PPP6R3: variants seen among roughly 807,000 people sequenced by gnomAD.
PPP6R3 encodes the protein protein phosphatase 6 regulatory subunit 3, also known as serine/threonine-protein phosphatase 6 regulatory subunit 3.
A neutral mutation model predicts 110.7 loss-of-function variants in PPP6R3; 38 were observed. The ratio of observed to expected loss-of-function variants is 0.34; its 90% CI spans 0.26 to 0.45. The LOEUF (loss-of-function observed/expected upper bound fraction) is 0.45, where lower values mean the gene tolerates loss of function less well. Ranked by LOEUF, PPP6R3 falls within the 20% of genes least tolerant of loss-of-function variation. PPP6R3 has a pLI of 1.00. For missense variants in PPP6R3, 870 were observed against 1,062.4 expected (o/e 0.82, Z 2.52); for synonymous variants, 369 against 373.5 (o/e 0.99, Z 0.14).
In PPP6R3 at chr11:68,614,757, C is replaced by T; in HGVS notation, c.*1640C>T. On this transcript the variant is annotated 3_prime_UTR_variant, in exon 24 of 24. Transcript: ENST00000393800. Reference sequence around the variant, plus strand: ...AACCCCCTTTCCCGGGTGAGCCCCTCTCTGAAGAGACTGTCCTTGGGCCTC... The same window carrying T: ...AACCCCCTTTCCCGGGTGAGCCCCTTTCTGAAGAGACTGTCCTTGGGCCTC... 5 of 1,540,922 alleles carry T rather than the reference C, an allele frequency of 3.2e-6. No homozygotes were observed.
intron 8 of PPP6R3, among the ~76,000 whole-genome samples, chr11:68,560,541 G>C (rs185453292): frequency 3.9e-5 from 6 of 152,310 alleles, no homozygotes; most frequent in Non-Finnish European, 8.8e-5. Context: ...CCCCATATCA[G>C]TTGAAGAAAT....
At chr11:68,577,272 G>A (rs140712509) in intron 14 of PPP6R3, among the ~76,000 whole-genome samples, 115 of 151,744 alleles carry the variant, frequency 7.6e-4, no homozygotes, top group African/African-American at 2.4e-3. Flanking sequence ...TCGGACTATC[G>A]TTTAACTTGA....
chr11:68,610,867 A>G (rs1420297061), intron 23 of PPP6R3, among the ~76,000 whole-genome samples: 1 of 149,402 alleles, frequency 6.7e-6, no homozygotes, highest in Non-Finnish European at 1.5e-5. Context: ...CCTCCCCCAA[A>G]TCTTGCCAGC....
At chr11:68,478,647 G>GTTTTTGTT (rs2098860647) in intron 1 of PPP6R3, among the ~76,000 whole-genome samples, 1 of 50,506 alleles carries the variant, frequency 2.0e-5, no homozygotes, top group African/African-American at 9.7e-5. Flanking sequence ...CACTTGGTAA[G>GTTTTTGTT]TTTTTTTTTT....
chr11:68,491,581 C>T (rs893552465), intron 1 of PPP6R3, among the ~76,000 whole-genome samples: 1 of 152,046 alleles, frequency 6.6e-6, no homozygotes, highest in East Asian at 1.9e-4. Context: ...AACTTCTGGG[C>T]TCAAGCAGTC....
chr11:68,475,141 T>G (rs989977004), intron 1 of PPP6R3, among the ~76,000 whole-genome samples: 1 of 151,868 alleles, frequency 6.6e-6, no homozygotes, highest in Admixed American at 6.6e-5. Flanking sequence ...TGCCTTCAAG[T>G]ATCTGTTTAA....
At chr11:68,460,989 A>T (rs2098700301) in intron 1 of PPP6R3, among the ~76,000 whole-genome samples, 162 bp downstream of exon 1, 1 of 150,946 alleles carries the variant, frequency 6.6e-6, no homozygotes, top group East Asian at 2.0e-4. Flanking sequence ...CGGGCCCGGG[A>T]GGCGCGGCGC....
At chr11:68,496,776 G>A (rs567656777) in intron 1 of PPP6R3, among the ~76,000 whole-genome samples, 5 of 151,416 alleles carry the variant, frequency 3.3e-5, no homozygotes, top group Non-Finnish European at 5.9e-5. Context: ...GCCTGGCCTC[G>A]CTTGCCCATT....
chr11:68,551,257 C>T (rs2099373110), intron 6 of PPP6R3, 71 bp downstream of exon 6: 3 of 1,134,480 alleles, frequency 2.6e-6, no homozygotes, highest in South Asian at 1.3e-5. Context: ...GGGCACAGAG[C>T]ATACTTATAT....
intron 9 of PPP6R3, among the ~76,000 whole-genome samples, chr11:68,565,778 T>C (rs772967721): frequency 3.4e-5 from 5 of 148,206 alleles, no homozygotes; most frequent in Non-Finnish European, 6.0e-5. Context: ...CTGTATGATA[T>C]GTCTGTCTCG....
At chr11:68,472,541 C>G (rs539268419) in intron 1 of PPP6R3, among the ~76,000 whole-genome samples, 7 of 151,546 alleles carry the variant, frequency 4.6e-5, no homozygotes, top group Non-Finnish European at 8.8e-5. Context: ...CAGCACCGTC[C>G]TACATCCTTG....
At position 68,614,975 on chromosome 11, in the gene PPP6R3, T is replaced by C; in HGVS notation, c.*1858T>C. 1 of 578,310 alleles carries C rather than the reference T, an allele frequency of 1.7e-6. No homozygotes were observed. The highest frequency in any genetic ancestry group is 3.3e-6 in the Non-Finnish European group (1 of 305,970). 35.8% of individuals were successfully genotyped at this position (578,310 alleles called of 1,614,324 possible). A position where few individuals can be genotyped will look rare whatever the true frequency, so the allele number is the denominator to read the frequency against. On this transcript the variant is annotated 3_prime_UTR_variant, in exon 24 of 24. Transcript: ENST00000393800. ...CGTGGCCTCCGTGGTATGGACCTGG[T>C]GGCTTCTCCATCCCACTGTGGCCTC... is the stretch of plus-strand genomic sequence containing the variant.
At chr11:68,547,846 A>G (rs75875840) in intron 4 of PPP6R3, among the ~76,000 whole-genome samples, 7,319 of 140,964 alleles carry the variant, frequency 0.052, 638 homozygotes, top group African/African-American at 0.18. Context: ...ATTTGTATTA[A>G]TGGACGTGCT....
intron 10 of PPP6R3, among the ~76,000 whole-genome samples, chr11:68,567,891 G>A (rs1413589871): frequency 2.0e-5 from 3 of 152,144 alleles, no homozygotes; most frequent in Non-Finnish European, 4.4e-5. Context: ...TTCATCTTAT[G>A]TACACTATTC....
At chr11:68,500,680 C>T (rs1203910391) in intron 1 of PPP6R3, among the ~76,000 whole-genome samples, 1 of 152,068 alleles carries the variant, frequency 6.6e-6, no homozygotes, top group African/African-American at 2.4e-5. Context: ...GTTTCACCAT[C>T]TTGGCCAGGC....
intron 1 of PPP6R3, among the ~76,000 whole-genome samples, chr11:68,462,572 G>C (rs370738809): frequency 6.6e-6 from 1 of 152,138 alleles, no homozygotes. Flanking sequence ...AAACTGTAAG[G>C]GTGCCGTGGA....
chr11:68,588,500 C>T (rs1459629602), intron 16 of PPP6R3, among the ~76,000 whole-genome samples: 1 of 151,942 alleles, frequency 6.6e-6, no homozygotes, highest in Non-Finnish European at 1.5e-5. Context: ...TTCTGTTGCC[C>T]CGGCTGGAGT....
Position 68,600,298 on chromosome 11 carries a change from C to T in PPP6R3, c.2039-43C>T, listed in dbSNP as rs758559753. The T allele has an allele frequency of 2.5e-5, 40 of 1,580,930 alleles. No individual in the cohort carries two copies. The East Asian group carries it at 2.7e-4, about 11-fold the overall frequency. On this transcript the variant is annotated intron_variant, in intron 19 of 23. Coordinates refer to ENST00000393800, the MANE Select transcript of PPP6R3 (RefSeq NM_001164161.2). ...GATAAATACCTTGTGGTACATGAAA[C>T]GACTGAAGTGTTTTCCAAATAGAAT...
chr11:68,614,859 C>G lies in PPP6R3; in HGVS notation c.*1742C>G, dbSNP rs1053528566. On this transcript the variant is annotated 3_prime_UTR_variant, in exon 24 of 24. Coordinates refer to ENST00000393800, the MANE Select transcript of PPP6R3 (RefSeq NM_001164161.2). Reference sequence around the variant, plus strand: ...CTGCCTGACTTGAATGGCGTTGGACCTCGGGGATTACTGGTAGATAATATG... The same window carrying G: ...CTGCCTGACTTGAATGGCGTTGGACGTCGGGGATTACTGGTAGATAATATG... 9.8e-7 allele frequency: 1 copy of G among 1,023,456 alleles called. No homozygotes were observed. Among genetic ancestry groups the G allele is most frequent in the Non-Finnish European group, 1.5e-6 (1 of 678,616 alleles). 63.4% of individuals were successfully genotyped at this position (1,023,456 alleles called of 1,614,324 possible).
Sources: gnomAD v4.1 joint callset for allele counts (sites outside exome capture counted in the v4.1 genomes callset) on GRCh38, gnomAD v4.1.1 for gene constraint, MANE v1.5 for transcripts, NCBI Gene and HGNC (gene_info 2026-07-23, HGNC 2026-07-21) for gene names.